The following EPN2 variants were observed in gnomAD, a reference collection of about 807,000 sequenced individuals.
EPN2 encodes epsin 2, also known as epsin-2.
In EPN2, 34 loss-of-function variants were observed where a neutral mutation model predicts 61.7. The observed-to-expected ratio is 0.55, with a 90% CI of 0.42 to 0.73. EPN2 has a LOEUF of 0.73. Among genes scored for constraint, EPN2 ranks in the 30% least tolerant of loss-of-function variants. The pLI, the probability that EPN2 is intolerant of heterozygous loss-of-function variation, is 0.00. For missense variants in EPN2, 714 were observed against 839.2 expected, an observed-to-expected ratio of 0.85 and a Z score of 1.84; for synonymous variants, 349 against 353.6, an observed-to-expected ratio of 0.99 and a Z score of 0.15.
chr17:19,281,777 G>A (rs1045181039), intron 1 of EPN2, among the ~76,000 whole-genome samples, 178 bp from the exon 2 acceptor site: 6 of 152,110 alleles, frequency 3.9e-5, no homozygotes, highest in African/African-American at 1.2e-4. Flanking sequence ...GGTGGGTGGA[G>A]CCCCTTGCTT....
chr17:19,293,671 G>C (rs1448256414), intron 4 of EPN2, among the ~76,000 whole-genome samples: 1 of 151,374 alleles, frequency 6.6e-6, no homozygotes, highest in African/African-American at 2.4e-5. Flanking sequence ...GAGATTACAG[G>C]CATGCAGGCA....
chr17:19,277,291 C>T (rs1338619896), intron 1 of EPN2, among the ~76,000 whole-genome samples: 1 of 149,892 alleles, frequency 6.7e-6, no homozygotes, highest in African/African-American at 2.5e-5. Flanking sequence ...ATCCCAGCTA[C>T]TTGGGTGGCT....
intron 8 of EPN2, 35 bp downstream of exon 8, chr17:19,328,922 C>T (rs1252917948): frequency 1.3e-6 from 2 of 1,581,054 alleles, no homozygotes; most frequent in Non-Finnish European, 1.7e-6. Context: ...CCTGCCTGGC[C>T]TCTGAGCGCC....
At chr17:19,247,817 A>G (rs2044969813) in intron 1 of EPN2, among the ~76,000 whole-genome samples, 1 of 152,204 alleles carries the variant, frequency 6.6e-6, no homozygotes, top group South Asian at 2.1e-4. Context: ...GACTGGCTAG[A>G]TAGCAGTTCT....
At chr17:19,312,887 T>TG in intron 6 of EPN2, 1 of 531,490 alleles carries the variant, frequency 1.9e-6, no homozygotes, top group Non-Finnish European at 3.3e-6. Flanking sequence ...TGAAGTCTGG[T>TG]GAGGGGGTTT....
chr17:19,331,880 A>G lies in EPN2; in HGVS notation c.1439A>G (p.Gln480Arg). The G allele has an allele frequency of 6.2e-7, 1 of 1,614,104 alleles. No homozygotes were observed. Among genetic ancestry groups the G allele is most frequent in the Non-Finnish European group, 8.5e-7 (1 of 1,180,002 alleles). The change falls in exon 10 of 11, where the codon CAA (glutamine) becomes CGA (arginine). Residue 480 changes from glutamine to arginine, a missense_variant. Coordinates refer to ENST00000314728, the MANE Select transcript of EPN2 (RefSeq NM_014964.5). ...GAATCTGTGACCTCTCTGCCATCCC[A>G]AAACAATGGAACTACCAGCCCTGAC... ...TAESVTSLPS[Q>R]NNGTTSPDPF...
At chr17:19,281,251 G>T (rs999581341) in intron 1 of EPN2, among the ~76,000 whole-genome samples, 7 of 152,142 alleles carry the variant, frequency 4.6e-5, no homozygotes, top group Non-Finnish European at 7.4e-5. Context: ...TCCTGCCTTG[G>T]TCTTTCTGGT....
chr17:19,247,779 G>A (rs2044969400), intron 1 of EPN2, among the ~76,000 whole-genome samples: 2 of 152,210 alleles, frequency 1.3e-5, no homozygotes, highest in African/African-American at 2.4e-5. Flanking sequence ...CTCTGTGGGT[G>A]GGGGCCTGGC....
intron 4 of EPN2, chr17:19,297,086 T>A (rs915652410): frequency 6.6e-6 from 1 of 152,222 alleles, no homozygotes; most frequent in African/African-American, 2.4e-5. Context: ...TGGGTGAAGA[T>A]CCCTAAGTCA....
chr17:19,247,094 G>T (rs2044961526), intron 1 of EPN2, among the ~76,000 whole-genome samples: 1 of 152,146 alleles, frequency 6.6e-6, no homozygotes, highest in African/African-American at 2.4e-5. Context: ...TTGATACTCA[G>T]AGCTGTCCTG....
chr17:19,329,418 G>A (rs1056764134), intron 8 of EPN2, 143 bp from the exon 9 acceptor site: 6 of 610,514 alleles, frequency 9.8e-6, no homozygotes, highest in African/African-American at 7.5e-5. Context: ...TGCCTCTTTG[G>A]CTCTCAGAAT....
chr17:19,306,036 C>T (rs1449924158), intron 4 of EPN2: 2 of 152,238 alleles, frequency 1.3e-5, no homozygotes, highest in Non-Finnish European at 2.9e-5. Context: ...AAGGTCCGTG[C>T]ATTTGATGCG....
chr17:19,309,058 G>A (rs1047447017), intron 4 of EPN2, among the ~76,000 whole-genome samples: 1 of 151,754 alleles, frequency 6.6e-6, no homozygotes, highest in African/African-American at 2.4e-5. Context: ...CTTACAGAAC[G>A]AAAATGTTTG....
At chr17:19,268,065 T>A (rs2045217928) in intron 1 of EPN2, among the ~76,000 whole-genome samples, 1 of 152,226 alleles carries the variant, frequency 6.6e-6, no homozygotes, top group Non-Finnish European at 1.5e-5. Flanking sequence ...GCTACCTTAG[T>A]GGCAGGTGTG....
In EPN2 at chr17:19,237,528, A is replaced by C. The variant is rs1258283778; in HGVS notation, c.-297A>C. The C allele has an allele frequency of 1.3e-5, 2 of 152,272 alleles. No individual in the cohort carries two copies. The highest frequency in any genetic ancestry group is 2.9e-5 in the Non-Finnish European group (2 of 68,134). The allele number at this position is 152,272 out of a possible 1,614,324, so 9.4% of individuals were successfully genotyped here. A position where few individuals can be genotyped will look rare whatever the true frequency, so the allele number is the denominator to read the frequency against. ...CGCACCCACGCCGGCCCGGAGGAGC[A>C]GAGGTGAGCCACAGCCCGTGGGGCT... On this transcript the variant is annotated 5_prime_UTR_variant, in exon 1 of 11. Transcript: ENST00000314728.
At chr17:19,250,498 T>A (rs1402419504) in intron 1 of EPN2, among the ~76,000 whole-genome samples, 1 of 152,206 alleles carries the variant, frequency 6.6e-6, no homozygotes, top group Non-Finnish European at 1.5e-5. Flanking sequence ...GGGAGGCCAC[T>A]ATTTGTTGGT....
intron 4 of EPN2, chr17:19,297,016 C>T (rs752197772): frequency 3.9e-5 from 6 of 152,240 alleles, no homozygotes; most frequent in Admixed American, 1.3e-4. Context: ...GAAACAGAAG[C>T]ATTTTCTGTG....
chr17:19,329,527 A>T, intron 8 of EPN2, 34 bp from the exon 9 acceptor site: 2 of 1,403,750 alleles, frequency 1.4e-6, no homozygotes, highest in East Asian at 4.6e-5. Flanking sequence ...GTCCTGTGAG[A>T]TGCCCCCAGT....
chr17:19,252,791 G>A (rs1360849597), intron 1 of EPN2, among the ~76,000 whole-genome samples: 2 of 152,210 alleles, frequency 1.3e-5, no homozygotes, highest in Non-Finnish European at 2.9e-5. Context: ...CTGGGCTCAA[G>A]CCATCCTCCC....
Sources: allele counts gnomAD v4.1 joint callset (sites outside exome capture counted in the v4.1 genomes callset), GRCh38; gene constraint gnomAD v4.1.1; transcripts MANE v1.5; gene names NCBI Gene and HGNC (gene_info 2026-07-23, HGNC 2026-07-21).